SCFD2: variants seen among roughly 807,000 people sequenced by gnomAD.
SCFD2 encodes the protein sec1 family domain containing 2, also known as sec1 family domain-containing protein 2.
In SCFD2, 54 loss-of-function variants were observed where a neutral mutation model predicts 58.9. That is an observed-to-expected ratio of 0.92 (90% CI 0.74 to 1.15). The LOEUF is 1.15. Ranked by LOEUF, SCFD2 falls within the 50% of genes most tolerant of loss-of-function variation. The pLI, the probability that SCFD2 is intolerant of heterozygous loss-of-function variation, is 0.00. For synonymous variants in SCFD2, 321 were observed against 335.9 expected (o/e 0.96, Z 0.49); for missense variants, 805 against 836.6 (o/e 0.96, Z 0.47).
At chr4:53,028,818 C>T (rs1034104641) in intron 5 of SCFD2, among the ~76,000 whole-genome samples, 1 of 152,150 alleles carries the variant, frequency 6.6e-6, no homozygotes, top group Non-Finnish European at 1.5e-5. Context: ...AATTCTACCA[C>T]AAAGCTGAAT....
chr4:52,873,344 C>T lies in SCFD2; in HGVS notation c.*625G>A, dbSNP rs1718394152. ...CTACAGTTCCAAGTAGCCTGGCAGA[C>T]CTGCCCAGTGGGCCAGCTAGAACAA... On this transcript the variant is annotated 3_prime_UTR_variant, in exon 9 of 9. Coordinates refer to ENST00000401642, the MANE Select transcript of SCFD2 (RefSeq NM_152540.4). 2 of 152,202 alleles carry T rather than the reference C, an allele frequency of 1.3e-5. No individual in the cohort carries two copies. The highest frequency in any genetic ancestry group is 2.4e-5 in the African/African-American group (1 of 41,422). The allele number at this position is 152,202 out of a possible 1,614,324, so 9.4% of individuals were successfully genotyped here. A position where few individuals can be genotyped will look rare whatever the true frequency, so the allele number is the denominator to read the frequency against.
At chr4:53,233,872 T>A (rs1276883421) in intron 4 of SCFD2, among the ~76,000 whole-genome samples, 3 of 143,130 alleles carry the variant, frequency 2.1e-5, no homozygotes, top group Non-Finnish European at 4.7e-5. Flanking sequence ...AATTAAAAGC[T>A]TACTGAGGAG....
chr4:53,224,549 C>T (rs1399736683), intron 4 of SCFD2, among the ~76,000 whole-genome samples: 2 of 152,104 alleles, frequency 1.3e-5, no homozygotes, highest in African/African-American at 2.4e-5. Context: ...CTACCTAGTC[C>T]CTACAAAGCC....
chr4:53,035,152 G>A (rs563256587), intron 5 of SCFD2, among the ~76,000 whole-genome samples: 1 of 152,096 alleles, frequency 6.6e-6, no homozygotes, highest in Admixed American at 6.6e-5. Context: ...ACAGAACAGA[G>A]CCTCAGAAAT....
chr4:53,121,402 T>G lies in SCFD2; in HGVS notation c.1561+23931A>C, dbSNP rs974967738. ...CACACAAACAAAATCCAGCTATTCATGTGAAGTCTCTATTGTTCAAGTTTG... is the reference window on the plus strand; with the variant it reads ...CACACAAACAAAATCCAGCTATTCAGGTGAAGTCTCTATTGTTCAAGTTTG... On this transcript the variant is annotated intron_variant, in intron 5 of 8. Coordinates refer to ENST00000401642, the MANE Select transcript of SCFD2 (RefSeq NM_152540.4). Among the ~76,000 whole-genome samples, 3 of 152,330 alleles carry G rather than the reference T, an allele frequency of 2.0e-5. 1 individual carries two copies. The highest frequency in any genetic ancestry group is 2.4e-5 in the African/African-American group (1 of 41,580).
At chr4:52,956,693 C>G (rs1463539435) in intron 5 of SCFD2, 1 of 162,878 alleles carries the variant, frequency 6.1e-6, no homozygotes, top group Non-Finnish European at 1.3e-5. Context: ...ATGGCCCAGT[C>G]CTGTGGGCAA....
At chr4:53,079,676 C>T (rs1724084509) in intron 5 of SCFD2, among the ~76,000 whole-genome samples, 1 of 152,180 alleles carries the variant, frequency 6.6e-6, no homozygotes, top group African/African-American at 2.4e-5. Flanking sequence ...GTGCTCACAG[C>T]ACCCAATAAT....
At chr4:53,001,457 T>C (rs1340589582) in intron 5 of SCFD2, among the ~76,000 whole-genome samples, 1 of 152,226 alleles carries the variant, frequency 6.6e-6, no homozygotes, top group Non-Finnish European at 1.5e-5. Flanking sequence ...TTTGCTTGAT[T>C]TGTAATTTAA....
In SCFD2 at chr4:53,251,684, C is replaced by T. The variant is rs535637498; in HGVS notation, c.1311+22142G>A. On this transcript the variant is annotated intron_variant, in intron 4 of 8. Transcript: ENST00000401642. Reference sequence around the variant, plus strand: ...AAAGGCCTTTGACAAAATTCAACAACCCTTCATGCTAAAAACTCTCAATAA... The same window carrying T: ...AAAGGCCTTTGACAAAATTCAACAATCCTTCATGCTAAAAACTCTCAATAA... Among the ~76,000 whole-genome samples, 25 of 151,874 alleles carry T rather than the reference C, an allele frequency of 1.6e-4. No homozygotes were observed. The South Asian group carries it at 2.9e-3, about 18-fold the overall frequency.
At chr4:53,248,247 A>G (rs897517682) in intron 4 of SCFD2, among the ~76,000 whole-genome samples, 1 of 152,180 alleles carries the variant, frequency 6.6e-6, no homozygotes, top group Non-Finnish European at 1.5e-5. Flanking sequence ...AGGAAATTAT[A>G]TCCCGCACCT....
At chr4:53,074,988 A>G (rs1194787715) in intron 5 of SCFD2, among the ~76,000 whole-genome samples, 1 of 152,198 alleles carries the variant, frequency 6.6e-6, no homozygotes, top group African/African-American at 2.4e-5. Context: ...GTTTCTCTCT[A>G]CCTATGAAAA....
chr4:53,132,290 A>G (rs187971986), intron 5 of SCFD2, among the ~76,000 whole-genome samples: 1 of 152,366 alleles, frequency 6.6e-6, no homozygotes, highest in African/African-American at 2.4e-5. Flanking sequence ...TAGTAAAACT[A>G]AATATAACGG....
At chr4:52,977,957 A>G (rs528690267) in intron 5 of SCFD2, among the ~76,000 whole-genome samples, 1 of 152,160 alleles carries the variant, frequency 6.6e-6, no homozygotes, top group Non-Finnish European at 1.5e-5. Flanking sequence ...TTGAAAGGGT[A>G]AGATTCAGGG....
intron 6 of SCFD2, 117 bp from the exon 7 acceptor site, chr4:52,907,708 A>ATGTGTGTGTGTG (rs10557430): frequency 2.8e-4 from 191 of 685,062 alleles, no homozygotes; most frequent in Middle Eastern, 1.5e-3. Flanking sequence ...CAATGCCTAT[A>ATGTGTGTGTGTG]TGTGTGTGTG....
chr4:53,238,656 G>A (rs1183341979), intron 4 of SCFD2, among the ~76,000 whole-genome samples: 3 of 151,486 alleles, frequency 2.0e-5, no homozygotes, highest in Non-Finnish European at 4.4e-5. Flanking sequence ...GGGTGGCCGG[G>A]CAGAGATGCT....
intron 4 of SCFD2, among the ~76,000 whole-genome samples, chr4:53,178,156 G>A (rs1039352151): frequency 5.9e-5 from 9 of 152,292 alleles, no homozygotes; most frequent in African/African-American, 2.2e-4. Flanking sequence ...GCTTTAAAGA[G>A]AGTAGTGGTT....
chr4:52,996,286 G>C (rs1457507873), intron 5 of SCFD2, among the ~76,000 whole-genome samples: 1 of 152,010 alleles, frequency 6.6e-6, no homozygotes, highest in Non-Finnish European at 1.5e-5. Context: ...TGAGCAAGGA[G>C]GTCTTGGCGA....
At chr4:53,296,919 T>C (rs1322180909) in intron 3 of SCFD2, among the ~76,000 whole-genome samples, 1 of 152,152 alleles carries the variant, frequency 6.6e-6, no homozygotes, top group African/African-American at 2.4e-5. Context: ...CAGGAGGAGG[T>C]TGTTCAGTTT....
intron 2 of SCFD2, among the ~76,000 whole-genome samples, chr4:53,340,547 GAAC>G (rs1447707758): frequency 6.6e-6 from 1 of 152,174 alleles, no homozygotes; most frequent in Non-Finnish European, 1.5e-5. Context: ...GGGCATAGCT[GAAC>G]AAAAGGCAGC....
Sources: gnomAD v4.1 joint callset for allele counts (sites outside exome capture counted in the v4.1 genomes callset) on GRCh38, gnomAD v4.1.1 for gene constraint, MANE v1.5 for transcripts, NCBI Gene and HGNC (gene_info 2026-07-23, HGNC 2026-07-21) for gene names.